TTC17: variants seen among roughly 807,000 people sequenced by gnomAD.
The protein encoded by TTC17 is tetratricopeptide repeat protein 17.
In TTC17, 58 loss-of-function variants were observed where a neutral mutation model predicts 143.8. The ratio of observed to expected loss-of-function variants is 0.40; its 90% CI spans 0.33 to 0.50. The LOEUF (loss-of-function observed/expected upper bound fraction) is 0.50, where lower values mean the gene tolerates loss of function less well. Among genes scored for constraint, TTC17 ranks in the 20% least tolerant of loss-of-function variants. The pLI, the probability that TTC17 is intolerant of heterozygous loss-of-function variation, is 0.49. For missense variants in TTC17, 1,273 were observed against 1,392.5 expected, an observed-to-expected ratio of 0.91 and a Z score of 1.37; for synonymous variants, 501 against 497.8, an observed-to-expected ratio of 1.01 and a Z score of -0.09.
intron 21 of TTC17, among the ~76,000 whole-genome samples, chr11:43,481,313 T>G (rs1564983332): frequency 6.6e-6 from 1 of 152,204 alleles, no homozygotes; most frequent in Non-Finnish European, 1.5e-5. Context: ...TCAGTCAGTT[T>G]GTACCTGTGT....
At chr11:43,430,457 T>C (rs1947127366) in intron 16 of TTC17, among the ~76,000 whole-genome samples, 1 of 151,034 alleles carries the variant, frequency 6.6e-6, no homozygotes, top group South Asian at 2.1e-4. Context: ...AGGGAGGGAG[T>C]TGTTGAACAG....
intron 21 of TTC17, among the ~76,000 whole-genome samples, chr11:43,474,350 A>G (rs905438037): frequency 1.4e-4 from 21 of 152,370 alleles, no homozygotes; most frequent in African/African-American, 5.0e-4. Flanking sequence ...TATGTAGAGA[A>G]AAAGATATTT....
At chr11:43,484,412 C>T (rs1948344087) in intron 21 of TTC17, among the ~76,000 whole-genome samples, 1 of 152,100 alleles carries the variant, frequency 6.6e-6, no homozygotes, top group Admixed American at 6.5e-5. Flanking sequence ...GTTATCAAGA[C>T]CTCCGTGCAG....
intron 2 of TTC17, among the ~76,000 whole-genome samples, chr11:43,387,013 A>AT (rs1857194530): frequency 6.6e-6 from 1 of 152,066 alleles, no homozygotes; most frequent in Non-Finnish European, 1.5e-5. Flanking sequence ...CAAACTCCTG[A>AT]ACTCAAGTGA....
At chr11:43,477,249 A>G (rs1948201522) in intron 21 of TTC17, among the ~76,000 whole-genome samples, 1 of 152,212 alleles carries the variant, frequency 6.6e-6, no homozygotes, top group South Asian at 2.1e-4. Context: ...ACAAGTCTCT[A>G]GGAAGTTCCA....
chr11:43,418,537 A>G (rs1357614484), intron 16 of TTC17, among the ~76,000 whole-genome samples: 1 of 152,192 alleles, frequency 6.6e-6, no homozygotes, highest in African/African-American at 2.4e-5. Context: ...TACTGTAGCA[A>G]ACTTATTCTT....
chr11:43,362,698 A>G (rs1856167375), intron 1 of TTC17, among the ~76,000 whole-genome samples: 1 of 152,106 alleles, frequency 6.6e-6, no homozygotes, highest in East Asian at 1.9e-4. Context: ...GCCTTAATTG[A>G]TCTTCCTACC....
rs1948050272 is a variant in TTC17, at chr11:43,469,584, A to C, written c.3030+18319A>C. 2.0e-5 allele frequency among the ~76,000 whole-genome samples: 3 copies of C among 152,232 alleles called. No homozygotes were observed. In the South Asian group the frequency reaches 6.2e-4, roughly 32 times the overall value. On this transcript the variant is annotated intron_variant, in intron 21 of 23. Transcript: ENST00000039989. ...AATCTCAATATTATTCTCACAAAAG[A>C]AGTTGGTAACAAAAAAATGCATAGT...
chr11:43,429,469 A>T (rs542050923), intron 16 of TTC17, among the ~76,000 whole-genome samples: 1 of 152,188 alleles, frequency 6.6e-6, no homozygotes, highest in African/African-American at 2.4e-5. Flanking sequence ...CCAAAGTCCC[A>T]CATGTCACCT....
intron 16 of TTC17, among the ~76,000 whole-genome samples, chr11:43,423,399 G>T (rs1946953679): frequency 6.6e-6 from 1 of 152,174 alleles, no homozygotes; most frequent in African/African-American, 2.4e-5. Context: ...CTCAGAATGT[G>T]CAGGATGTGA....
chr11:43,481,702 G>A (rs913819050), intron 21 of TTC17, among the ~76,000 whole-genome samples: 1 of 152,036 alleles, frequency 6.6e-6, no homozygotes, highest in African/African-American at 2.4e-5. Context: ...ACTATCTGTA[G>A]GATCTGTAGT....
In TTC17 at chr11:43,389,643, T is replaced by C. The variant is rs746081526; in HGVS notation, c.250-9T>C. On this transcript the variant is annotated splice_polypyrimidine_tract_variant and intron_variant, in intron 2 of 23. Transcript: ENST00000039989. ...AGAATCCATTCTGTTCTTACTTTCTTCTCAACAGAAACAATTAGTTGCTCA... is the reference window on the plus strand; with the variant it reads ...AGAATCCATTCTGTTCTTACTTTCTCCTCAACAGAAACAATTAGTTGCTCA... 5 of 1,601,102 alleles carry C rather than the reference T, an allele frequency of 3.1e-6. No individual in the cohort carries two copies. Among genetic ancestry groups the C allele is most frequent in the Non-Finnish European group, 4.3e-6 (5 of 1,175,554 alleles).
chr11:43,414,009 C>G (rs1946716521), intron 15 of TTC17, among the ~76,000 whole-genome samples: 1 of 152,114 alleles, frequency 6.6e-6, no homozygotes, highest in African/African-American at 2.4e-5. Context: ...TAACTTTATT[C>G]ATAATAGACG....
chr11:43,430,537 A>G (rs1374062784), intron 16 of TTC17, among the ~76,000 whole-genome samples: 1 of 152,202 alleles, frequency 6.6e-6, no homozygotes, highest in African/African-American at 2.4e-5. Context: ...CAGTCTGTCT[A>G]TTAAAATGTC....
rs149266307 is a variant in TTC17, at chr11:43,481,558, G to A, written c.3031-8681G>A. 2.0e-5 allele frequency among the ~76,000 whole-genome samples: 3 copies of A among 152,116 alleles called. No individual in the cohort carries two copies. The South Asian group carries it at 6.2e-4, about 32-fold the overall frequency. On this transcript the variant is annotated intron_variant, in intron 21 of 23. Transcript: ENST00000039989. Reference sequence around the variant, plus strand: ...AATTATAGCTCTAATATCTTTAATAGATCTAGGGCTATTCAAATTATCTCT... The same window carrying A: ...AATTATAGCTCTAATATCTTTAATAAATCTAGGGCTATTCAAATTATCTCT...
chr11:43,371,186 C>T (rs1856556616), intron 1 of TTC17, among the ~76,000 whole-genome samples: 1 of 152,180 alleles, frequency 6.6e-6, no homozygotes, highest in African/African-American at 2.4e-5. Context: ...CAACATGTTT[C>T]TGACACCACC....
chr11:43,361,664 T>A (rs1359610862), intron 1 of TTC17, among the ~76,000 whole-genome samples: 2 of 152,260 alleles, frequency 1.3e-5, no homozygotes, highest in Non-Finnish European at 2.9e-5. Context: ...CAAGAAATTA[T>A]AAGTTGAACC....
intron 2 of TTC17, among the ~76,000 whole-genome samples, chr11:43,381,942 G>A (rs1856984616): frequency 6.6e-6 from 1 of 152,200 alleles, no homozygotes; most frequent in Non-Finnish European, 1.5e-5. Context: ...CGTTTGAAAT[G>A]CCTATCAGGC....
chr11:43,417,553 T>C (rs1458872213), intron 16 of TTC17, among the ~76,000 whole-genome samples: 4 of 152,292 alleles, frequency 2.6e-5, no homozygotes, highest in Admixed American at 2.6e-4. Flanking sequence ...TGATAATTGT[T>C]GGCCAGGCAT....
Sources: gnomAD v4.1 joint callset for allele counts (sites outside exome capture counted in the v4.1 genomes callset) on GRCh38, gnomAD v4.1.1 for gene constraint, MANE v1.5 for transcripts, NCBI Gene and HGNC (gene_info 2026-07-23, HGNC 2026-07-21) for gene names.